Variants in VPS13C observed in about 807,000 individuals in gnomAD.
VPS13C encodes the protein intermembrane lipid transfer protein VPS13C.
A neutral mutation model predicts 456.8 loss-of-function variants in VPS13C; 358 were observed. The ratio of observed to expected loss-of-function variants is 0.78; its 90% CI spans 0.72 to 0.86. The LOEUF is 0.86. VPS13C is among the 40% of genes least tolerant of loss of function. VPS13C has a pLI of 0.00. For synonymous variants in VPS13C, 1,578 were observed against 1,486.7 expected (o/e 1.06, Z -1.41); for missense variants, 4,818 against 4,385.4 (o/e 1.10, Z -2.79).
chr15:61,963,740 A>G, intron 32 of VPS13C, 95 bp downstream of exon 32: 1 of 859,150 alleles, frequency 1.2e-6, no homozygotes, highest in Non-Finnish European at 1.9e-6. Context: ...CACAGCTTAG[A>G]GCCCTTTATT....
intron 74 of VPS13C, 177 bp from the exon 75 acceptor site, chr15:61,877,231 A>G: frequency 2.2e-6 from 1 of 464,982 alleles, no homozygotes; most frequent in East Asian, 3.5e-5. Flanking sequence ...TATTATAAAA[A>G]CAGTGCACAA....
chr15:61,917,995 G>A (rs780587241), intron 59 of VPS13C, 141 bp downstream of exon 59: 9 of 783,520 alleles, frequency 1.1e-5, no homozygotes, highest in African/African-American at 1.8e-5. Context: ...TAATATAAAT[G>A]TATTTCTCAA....
Position 61,941,754 on chromosome 15 carries a change from T to A in VPS13C, c.5453+9A>T. 6.3e-7 allele frequency: 1 copy of A among 1,599,416 alleles called. No individual in the cohort carries two copies. On this transcript the variant is annotated intron_variant, in intron 46 of 84. Coordinates refer to ENST00000644861, the MANE Select transcript of VPS13C (RefSeq NM_020821.3). ...GTAAGCAATACACAATTAGATTACA[T>A]ATTTATACCTTGACAGCTTCAACTG...
chr15:61,881,745 A>AC lies in VPS13C; in HGVS notation c.9706+1dup, dbSNP rs1322338595. 6.2e-7 allele frequency: 1 copy of AC among 1,608,968 alleles called. No homozygotes were observed. The highest frequency in any genetic ancestry group is 2.2e-5 in the East Asian group (1 of 44,698). ...TCTATGTCACAACTTATTTTATTTT[A>AC]CCTGAATCTAAAGCAATAGATTTTG... On this transcript the variant is annotated splice_donor_variant, in intron 70 of 84. Transcript: ENST00000644861. LOFTEE classifies it high-confidence loss of function.
chr15:61,890,378 T>C lies in VPS13C; in HGVS notation c.9128A>G (p.Tyr3043Cys). ...CCAGTGTATCTGGATGTTTGCATCA[T>C]ATGGAAACTGTCCACATCCATCCTG... Reference protein sequence around the residue: ...LLKDGCGQFPYDANIQIHWVS... With the variant: ...LLKDGCGQFPCDANIQIHWVS... Residue 3043 changes from tyrosine to cysteine, a missense_variant, in exon 67 of 85, where the codon TAT becomes TGT. This residue lies in a region of VPS13C where 4,552 missense variants were observed against 4,130.6 expected (regional missense o/e 1.10). Transcript: ENST00000644861. 6.2e-7 allele frequency: 1 copy of C among 1,614,050 alleles called. No individual in the cohort carries two copies. Among genetic ancestry groups the C allele is most frequent in the Non-Finnish European group, 8.5e-7 (1 of 1,179,988 alleles).
At position 61,868,574 on chromosome 15, in the gene VPS13C, G is replaced by A. The variant is rs1894761964; in HGVS notation, c.10863+85C>T. On this transcript the variant is annotated intron_variant, in intron 81 of 84. Transcript: ENST00000644861. The stretch of plus-strand genomic sequence containing the variant: ...ATACTTAAAGCAGTTCAAGAATCAG[G>A]AACTTTAAGAACCACCTAGGAAATC... 3 of 1,100,398 alleles carry A rather than the reference G, an allele frequency of 2.7e-6. No homozygotes were observed. The South Asian group carries it at 4.1e-5, about 15-fold the overall frequency. The allele number at this position is 1,100,398 out of a possible 1,614,324, so 68.2% of individuals were successfully genotyped here. A position where few individuals can be genotyped will look rare whatever the true frequency, so the allele number is the denominator to read the frequency against.
At chr15:61,973,614 T>C in intron 25 of VPS13C, 82 bp from the exon 26 acceptor site, 1 of 973,588 alleles carries the variant, frequency 1.0e-6, no homozygotes, top group South Asian at 1.3e-5. Flanking sequence ...GACTAAAAAG[T>C]AATAGAGGAT....
intron 9 of VPS13C, 142 bp from the exon 10 acceptor site, chr15:62,014,134 C>A (rs1392485342): frequency 4.1e-6 from 2 of 488,606 alleles, no homozygotes; most frequent in East Asian, 3.2e-5. Flanking sequence ...TATTTCTTTA[C>A]ATATATTTAT....
chr15:62,053,834 G>C (rs1341996191), intron 1 of VPS13C, among the ~76,000 whole-genome samples: 2 of 152,218 alleles, frequency 1.3e-5, no homozygotes, highest in African/African-American at 2.4e-5. Context: ...GGGATAAACT[G>C]TCAGGAGTGG....
In VPS13C at chr15:61,966,143, C is replaced by A; in HGVS notation, c.2992-1G>T. On this transcript the variant is annotated splice_acceptor_variant, in intron 29 of 84. Transcript: ENST00000644861. LOFTEE classifies it high-confidence loss of function. ...GAAAACTAGGTCCATTCTTATCAGC[C>A]TGAAAAAAGAAGTAAAAGTTCTAAA... 6.3e-7 allele frequency: 1 copy of A among 1,597,998 alleles called. No individual in the cohort carries two copies. Among genetic ancestry groups the A allele is most frequent in the Non-Finnish European group, 8.5e-7 (1 of 1,171,718 alleles).
rs765504694 is a variant in VPS13C, at chr15:61,929,573, G to T, written c.6214C>A (p.Pro2072Thr). 4 of 1,613,748 alleles carry T rather than the reference G, an allele frequency of 2.5e-6. No individual in the cohort carries two copies. The East Asian group carries it at 8.9e-5, about 36-fold the overall frequency. ...TGTGTTTCTTTTGCCACATTTTCTGGACTCTGAGGCACAGCTTTGATAAAG... is the reference window on the plus strand; with the variant it reads ...TGTGTTTCTTTTGCCACATTTTCTGTACTCTGAGGCACAGCTTTGATAAAG... ...DFFIKAVPQS[P>T]ENVAKETQIL... The change falls in exon 51 of 85, where the codon CCA becomes ACA. Residue 2072 changes from proline (P) to threonine (T), a missense_variant. Coordinates refer to ENST00000644861, the MANE Select transcript of VPS13C (RefSeq NM_020821.3).
chr15:61,975,752 G>A (rs547559862), intron 24 of VPS13C, among the ~76,000 whole-genome samples: 1 of 152,128 alleles, frequency 6.6e-6, no homozygotes, highest in East Asian at 1.9e-4. Flanking sequence ...CTCAATGCAT[G>A]AGGCCAACAT....
Position 61,946,287 on chromosome 15 carries a change from A to G in VPS13C, c.4980+20T>C. 6.5e-7 allele frequency: 1 copy of G among 1,545,854 alleles called. No homozygotes were observed. The highest frequency in any genetic ancestry group is 8.8e-7 in the Non-Finnish European group (1 of 1,141,622). ...AAAAGGCAAAATAAATTCCAATATA[A>G]AAATCTATTTTTTAATCACCTTTTT... On this transcript the variant is annotated intron_variant, in intron 44 of 84. Transcript: ENST00000644861.
intron 15 of VPS13C, among the ~76,000 whole-genome samples, chr15:62,002,841 G>A (rs1412647376): frequency 4.6e-5 from 7 of 152,176 alleles, no homozygotes; most frequent in South Asian, 2.1e-4. Flanking sequence ...GATACGAGGC[G>A]TTATTTCTGA....
intron 19 of VPS13C, 49 bp from the exon 20 acceptor site, chr15:61,984,061 A>G: frequency 6.5e-7 from 1 of 1,537,526 alleles, no homozygotes; most frequent in Non-Finnish European, 8.8e-7. Flanking sequence ...GTCTTTTGTA[A>G]TCTAATGGAC....
At chr15:61,866,927 G>A (rs1212156274) in intron 81 of VPS13C, 4 of 984,342 alleles carry the variant, frequency 4.1e-6, no homozygotes, top group Non-Finnish European at 4.8e-6. Context: ...CATTTCTGAG[G>A]AGAAGCATGA....
At chr15:61,958,835 AG>A (rs1349574303) in intron 36 of VPS13C, 119 bp from the exon 37 acceptor site, 1 of 510,458 alleles carries the variant, frequency 2.0e-6, no homozygotes, top group African/African-American at 2.0e-5. Flanking sequence ...AACACTGAAA[AG>A]TTACATACAA....
intron 41 of VPS13C, 81 bp from the exon 42 acceptor site, chr15:61,949,686 C>T: frequency 7.3e-7 from 1 of 1,378,184 alleles, no homozygotes; most frequent in Non-Finnish European, 9.8e-7. Context: ...ATAAGTAGCA[C>T]AAGAACAGTT....
At position 61,926,997 on chromosome 15, in the gene VPS13C, A is replaced by G. The variant is rs74642348; in HGVS notation, c.6516+94T>C. On this transcript the variant is annotated intron_variant, in intron 52 of 84. Transcript: ENST00000644861. ...CCCAAGTTCACAATAAATAATCTCT[A>G]AAGTCCCTGCAGAGCTCTCATATTC... is the stretch of plus-strand genomic sequence containing the variant. The G allele has an allele frequency of 2.7e-3, 2,927 of 1,098,488 alleles. 64 individuals carry two copies. The African/African-American group carries it at 0.042, about 16-fold the overall frequency. 68.0% of individuals were successfully genotyped at this position (1,098,488 alleles called of 1,614,324 possible). A position where few individuals can be genotyped will look rare whatever the true frequency, so the allele number is the denominator to read the frequency against.
Sources: gnomAD v4.1 joint callset for allele counts (sites outside exome capture counted in the v4.1 genomes callset) on GRCh38, gnomAD v4.1.1 for gene constraint, gnomAD v4.1.1 regional missense constraint, MANE v1.5 for transcripts, NCBI Gene and HGNC (gene_info 2026-07-23, HGNC 2026-07-21) for gene names.